Variants in DRC8 observed in about 807,000 individuals in gnomAD.
The protein encoded by DRC8 is dynein regulatory complex protein 8.
At chr1:244,979,564 C>T in the DRC8 span, among the ~76,000 whole-genome samples, 7 of 151,728 alleles carry the variant, frequency 4.6e-5, no homozygotes, top group Admixed American at 1.3e-4. Context: ...CCTTGGCCTC[C>T]CAAAGTACTA....
At chr1:245,091,924 A>G in the DRC8 span, 1 of 152,258 alleles carries the variant, frequency 6.6e-6, no homozygotes, top group East Asian at 1.9e-4. Flanking sequence ...CCTCTTGTGC[A>G]GGAAGTTTGC....
chr1:244,970,498 C>T, the DRC8 span: 1 of 1,516,468 alleles, frequency 6.6e-7, no homozygotes, highest in Non-Finnish European at 8.8e-7. Context: ...CGACCCCGGG[C>T]TGCACGGGGA....
chr1:245,083,556 A>T, the DRC8 span: 1 of 1,583,754 alleles, frequency 6.3e-7, no homozygotes. Flanking sequence ...CATATATGAA[A>T]AATTTATCAT....
the DRC8 span, among the ~76,000 whole-genome samples, chr1:245,043,437 GA>G: frequency 4.4e-4 from 59 of 134,312 alleles, no homozygotes; most frequent in Admixed American, 6.7e-4. Context: ...TGTCTCAAAG[GA>G]AAAAAAAAAA....
the DRC8 span, among the ~76,000 whole-genome samples, chr1:245,035,278 A>T: frequency 2.6e-5 from 4 of 152,232 alleles, no homozygotes; most frequent in Non-Finnish European, 4.4e-5. Context: ...TTGAAAAAGG[A>T]TAACAAAGTT....
chr1:245,082,686 C>CTTTCA, the DRC8 span, among the ~76,000 whole-genome samples: 1 of 149,888 alleles, frequency 6.7e-6, no homozygotes, highest in South Asian at 2.1e-4. Flanking sequence ...ATGTTAGCAG[C>CTTTCA]TTTTATTTTA....
At chr1:245,003,362 G>A in the DRC8 span, among the ~76,000 whole-genome samples, 25 of 152,270 alleles carry the variant, frequency 1.6e-4, no homozygotes, top group Admixed American at 4.6e-4. Flanking sequence ...GAGGAACTAC[G>A]ATACTGGTTT....
chr1:245,045,262 A>C, the DRC8 span, among the ~76,000 whole-genome samples: 7 of 151,718 alleles, frequency 4.6e-5, no homozygotes, highest in African/African-American at 1.7e-4. Flanking sequence ...CTCCCGCCTC[A>C]GCCTTCCACA....
At chr1:244,974,802 C>A in the DRC8 span, among the ~76,000 whole-genome samples, 1 of 152,174 alleles carries the variant, frequency 6.6e-6, no homozygotes, top group Non-Finnish European at 1.5e-5. Context: ...TCAAGCGATT[C>A]CCCCGACCTC....
At chr1:245,103,859 G>T in the DRC8 span, among the ~76,000 whole-genome samples, 8 of 152,332 alleles carry the variant, frequency 5.3e-5, no homozygotes, top group African/African-American at 1.7e-4. Context: ...CTGGAAACTG[G>T]TGAGAAGGTG....
chr1:245,083,789 T>C, the DRC8 span: 7 of 1,468,404 alleles, frequency 4.8e-6, no homozygotes, highest in Non-Finnish European at 6.3e-6. Context: ...AATCAGTCAT[T>C]CTGGTGAAAG....
chr1:245,040,914 G>A, the DRC8 span, among the ~76,000 whole-genome samples: 10 of 152,208 alleles, frequency 6.6e-5, no homozygotes, highest in South Asian at 1.2e-3. Context: ...AGAGGAAAAA[G>A]GTGGATAATA....
chr1:245,008,343 A>G, the DRC8 span, among the ~76,000 whole-genome samples: 1 of 152,222 alleles, frequency 6.6e-6, no homozygotes, highest in Non-Finnish European at 1.5e-5. Flanking sequence ...AAAAATTTAT[A>G]AGAAAATAAA....
the DRC8 span, among the ~76,000 whole-genome samples, chr1:245,041,779 G>T: frequency 6.6e-6 from 1 of 152,126 alleles, no homozygotes; most frequent in African/African-American, 2.4e-5. Flanking sequence ...CTAAGAAGAG[G>T]AAGTTTGGAC....
the DRC8 span, among the ~76,000 whole-genome samples, chr1:245,082,522 G>A: frequency 6.6e-6 from 1 of 152,094 alleles, no homozygotes; most frequent in African/African-American, 2.4e-5. Flanking sequence ...TAGAAGTCTT[G>A]TGCCCAGATA....
chr1:245,060,476 G>A, the DRC8 span, among the ~76,000 whole-genome samples: 5 of 152,318 alleles, frequency 3.3e-5, no homozygotes, highest in East Asian at 7.7e-4. Context: ...GAAATATTCA[G>A]TAAAGGAATC....
the DRC8 span, chr1:245,083,876 A>C: frequency 2.7e-6 from 2 of 731,572 alleles, no homozygotes; most frequent in Non-Finnish European, 2.1e-6. Flanking sequence ...GAGTAGGGAA[A>C]GGGGAGATGG....
chr1:245,001,521 A>G, the DRC8 span, among the ~76,000 whole-genome samples: 1 of 152,130 alleles, frequency 6.6e-6, no homozygotes, highest in Non-Finnish European at 1.5e-5. Flanking sequence ...CTGGCCTGGG[A>G]CTGGTTCTCT....
chr1:245,059,556 C>A, the DRC8 span: 4 of 950,790 alleles, frequency 4.2e-6, no homozygotes, highest in South Asian at 1.5e-5. Context: ...AAAAAAGTGC[C>A]CCAAACTACT....
Sources: gnomAD v4.1 joint callset for allele counts (sites outside exome capture counted in the v4.1 genomes callset) on GRCh38, gnomAD v4.1.1 for gene constraint, MANE v1.5 for transcripts, NCBI Gene and HGNC (gene_info 2026-07-23, HGNC 2026-07-21) for gene names.